Variants in NRG1 observed in about 807,000 individuals in gnomAD.
NRG1 encodes the protein pro-neuregulin-1, membrane-bound isoform.
A neutral mutation model predicts 63.8 loss-of-function variants in NRG1; 18 were observed. The observed-to-expected ratio is 0.28, with a 90% CI of 0.19 to 0.42. The LOEUF is 0.42. Among genes scored for constraint, NRG1 ranks in the 10% least tolerant of loss-of-function variants. The pLI, the probability that NRG1 is intolerant of heterozygous loss-of-function variation, is 1.00. For synonymous variants in NRG1, 302 were observed against 301.3 expected, an observed-to-expected ratio of 1.00 and a Z score of -0.02; for missense variants, 762 against 814.7, an observed-to-expected ratio of 0.94 and a Z score of 0.79.
chr8:31,909,874 C>T (rs1386735941), intron 1 of NRG1, among the ~76,000 whole-genome samples: 2 of 152,178 alleles, frequency 1.3e-5, no homozygotes, highest in East Asian at 1.9e-4. Context: ...GTGCTTCTTT[C>T]CTTCATCCCT....
chr8:32,529,877 A>G (rs557919837), intron 1 of NRG1, among the ~76,000 whole-genome samples: 7 of 152,346 alleles, frequency 4.6e-5, no homozygotes, highest in African/African-American at 1.7e-4. Flanking sequence ...GATAAGTAGA[A>G]GGAGTGCACT....
intron 5 of NRG1, among the ~76,000 whole-genome samples, chr8:32,629,475 A>T (rs976016697): frequency 2.0e-5 from 3 of 152,114 alleles, no homozygotes; most frequent in Admixed American, 2.0e-4. Context: ...GAGTTAATGA[A>T]TTTTTTTGTT....
At chr8:31,673,060 A>G (rs1054883415) in intron 1 of NRG1, among the ~76,000 whole-genome samples, 9 of 151,952 alleles carry the variant, frequency 5.9e-5, no homozygotes, top group Non-Finnish European at 1.3e-4. Context: ...TTTTGATTAG[A>G]TGATCATCAA....
chr8:31,992,283 G>A (rs1811227262), intron 1 of NRG1, among the ~76,000 whole-genome samples: 1 of 152,006 alleles, frequency 6.6e-6, no homozygotes, highest in South Asian at 2.1e-4. Context: ...AAAGGAAAAG[G>A]GGGTACCAAA....
chr8:31,691,482 C>G (rs1226395821), intron 1 of NRG1, among the ~76,000 whole-genome samples: 1 of 151,044 alleles, frequency 6.6e-6, no homozygotes, highest in Non-Finnish European at 1.5e-5. Context: ...GTAGTCCCAG[C>G]TACTCGGGAG....
chr8:31,717,429 A>T, intron 1 of NRG1, among the ~76,000 whole-genome samples: 1 of 132,676 alleles, frequency 7.5e-6, no homozygotes, highest in African/African-American at 2.6e-5. Context: ...AAAAAAAAAA[A>T]GAAAAACAAA....
chr8:32,414,375 C>T (rs1268555088), intron 1 of NRG1, among the ~76,000 whole-genome samples: 1 of 152,148 alleles, frequency 6.6e-6, no homozygotes, highest in African/African-American at 2.4e-5. Flanking sequence ...TCTTCCTTTG[C>T]TTTTTAGGGC....
rs139436076 is a variant in NRG1, at chr8:32,763,831, A to G, written c.1343A>G (p.Glu448Gly). The G allele has an allele frequency of 4.6e-4, 744 of 1,612,368 alleles. 1 individual carries two copies. The highest frequency in any genetic ancestry group is 1.5e-3 in the South Asian group (138 of 90,868). ...AGCTCCCCCAAATCGCCCCCTTCGG[A>G]AATGTCTCCACCCGTGTCCAGCATG... Residue 448 changes from glutamate to glycine, a missense_variant, in exon 12 of 12, where the codon GAA becomes GGA. Coordinates refer to ENST00000356819, the Ensembl canonical transcript of NRG1.
intron 1 of NRG1, among the ~76,000 whole-genome samples, chr8:31,977,925 G>A (rs1283419480): frequency 2.0e-5 from 3 of 151,942 alleles, no homozygotes; most frequent in Non-Finnish European, 4.4e-5. Flanking sequence ...CTTGACAAAC[G>A]GATTCTACAA....
rs77135667 is a variant in NRG1 at position 32,053,101 on chromosome 8, G to T, written c.37+413670G>T. 2.9e-3 allele frequency among the ~76,000 whole-genome samples: 445 copies of T among 152,324 alleles called. 6 individuals carry two copies. Among genetic ancestry groups the T allele is most frequent in the African/African-American group, 0.01 (429 of 41,568 alleles). ...GAATGATGAAAACATTGGTAGAAAT[G>T]CTGATGGAAGAACTGATTGATGCAG... is the stretch of plus-strand genomic sequence containing the variant. On this transcript the variant is annotated intron_variant, in intron 1 of 10. Transcript: ENST00000519301.
chr8:32,002,625 G>A (rs1239682597), intron 1 of NRG1, among the ~76,000 whole-genome samples: 2 of 151,850 alleles, frequency 1.3e-5, no homozygotes, highest in African/African-American at 4.8e-5. Flanking sequence ...GTTCTTCAAG[G>A]AGCTATGACT....
intron 1 of NRG1, among the ~76,000 whole-genome samples, chr8:32,560,506 A>G (rs1232438631): frequency 6.6e-6 from 1 of 152,214 alleles, no homozygotes; most frequent in Non-Finnish European, 1.5e-5. Context: ...ATGAGGAAGT[A>G]TGGCTAGTTT....
intron 1 of NRG1, among the ~76,000 whole-genome samples, chr8:32,358,837 A>G (rs946465163): frequency 6.6e-6 from 1 of 152,196 alleles, no homozygotes; most frequent in African/African-American, 2.4e-5. Flanking sequence ...CAACACTTAA[A>G]GATCAAGAAG....
At chr8:32,391,524 G>T (rs13267174) in intron 1 of NRG1, among the ~76,000 whole-genome samples, 51,431 of 151,620 alleles carry the variant, frequency 0.34, 9,169 homozygotes, top group Middle Eastern at 0.43. Context: ...GACCCTCCAC[G>T]CCCAGATAGA....
intron 1 of NRG1, among the ~76,000 whole-genome samples, chr8:32,506,445 A>G (rs1480443674): frequency 6.6e-6 from 1 of 152,168 alleles, no homozygotes; most frequent in Non-Finnish European, 1.5e-5. Flanking sequence ...CAACAGGCTT[A>G]TACACCTGTG....
chr8:32,111,555 T>A (rs1378211361), intron 1 of NRG1, among the ~76,000 whole-genome samples: 1 of 152,246 alleles, frequency 6.6e-6, no homozygotes, highest in East Asian at 1.9e-4. Context: ...TAGTCCCTTC[T>A]GTCTTGTTCC....
chr8:32,263,771 A>G (rs951839163), intron 1 of NRG1, among the ~76,000 whole-genome samples: 12 of 152,210 alleles, frequency 7.9e-5, no homozygotes, highest in Non-Finnish European at 1.6e-4. Flanking sequence ...CAATTCTCCC[A>G]GCAGCTGTTT....
At chr8:32,002,025 T>C (rs1813011957) in intron 1 of NRG1, among the ~76,000 whole-genome samples, 1 of 151,974 alleles carries the variant, frequency 6.6e-6, no homozygotes, top group Admixed American at 6.6e-5. Context: ...CATAAATTAA[T>C]TGAATTTTTT....
chr8:31,675,857 G>T (rs1194608767), intron 1 of NRG1, among the ~76,000 whole-genome samples: 1 of 152,022 alleles, frequency 6.6e-6, no homozygotes, highest in African/African-American at 2.4e-5. Flanking sequence ...CTTGTCAGAA[G>T]TCATTTATTT....
Sources: allele counts gnomAD v4.1 joint callset (sites outside exome capture counted in the v4.1 genomes callset), GRCh38; gene constraint gnomAD v4.1.1; transcripts MANE v1.5; gene names NCBI Gene and HGNC (gene_info 2026-07-23, HGNC 2026-07-21).